SERPINB6: variants seen among roughly 807,000 people sequenced by gnomAD.
SERPINB6 encodes serpin family B member 6, also known as serpin B6.
A neutral mutation model predicts 26.1 loss-of-function variants in SERPINB6; 16 were observed. The ratio of observed to expected loss-of-function variants is 0.61; its 90% CI spans 0.42 to 0.93. SERPINB6 has a LOEUF of 0.93. Ranked by LOEUF, SERPINB6 falls within the 40% of genes least tolerant of loss-of-function variation. The pLI is 0.00. For synonymous variants in SERPINB6, 174 were observed against 176.6 expected, an observed-to-expected ratio of 0.99 and a Z score of 0.11; for missense variants, 420 against 478.0, an observed-to-expected ratio of 0.88 and a Z score of 1.13.
rs557797797 is a variant in SERPINB6 at position 2,964,533 on chromosome 6, C to T, written c.-10-5191G>A. ...AATACTATACACCAAATGTTTCTAA[C>T]GGTAATTTTTATGTTTTTTGTGTTT... is the stretch of plus-strand genomic sequence containing the variant. On this transcript the variant is annotated intron_variant, in intron 1 of 6. Coordinates refer to ENST00000380539, the MANE Select transcript of SERPINB6 (RefSeq NM_004568.6). 3.0e-4 allele frequency among the ~76,000 whole-genome samples: 45 copies of T among 152,136 alleles called. No homozygotes were observed. In the South Asian group the frequency reaches 5.2e-3, roughly 18 times the overall value.
chr6:2,968,712 T>C, intron 1 of SERPINB6: 1 of 1,231,346 alleles, frequency 8.1e-7, no homozygotes. Flanking sequence ...CAAACATTCC[T>C]AACAACCCTT....
intron 1 of SERPINB6, chr6:2,968,126 A>C (rs1408030828): frequency 1.3e-5 from 2 of 152,276 alleles, no homozygotes; most frequent in Non-Finnish European, 2.9e-5. Flanking sequence ...ACCATAAAAA[A>C]GAATGAGATC....
chr6:2,970,177 G>A (rs955729895), intron 1 of SERPINB6: 3 of 985,048 alleles, frequency 3.0e-6, no homozygotes, highest in Non-Finnish European at 3.6e-6. Context: ...CTGCTTGGGT[G>A]CCCTTATTAT....
At chr6:2,957,766 G>A (rs1417947708) in intron 2 of SERPINB6, 1 of 152,550 alleles carries the variant, frequency 6.6e-6, no homozygotes, top group African/African-American at 2.4e-5. Context: ...GGTAGGCTGG[G>A]AGCGCAGCAA....
intron 1 of SERPINB6, chr6:2,959,719 G>T: frequency 6.9e-6 from 2 of 288,830 alleles, no homozygotes; most frequent in Non-Finnish European, 6.7e-6. Context: ...GGGCTTAAAT[G>T]TACTGTTTTA....
chr6:2,951,548 C>T (rs1469934434), intron 5 of SERPINB6, among the ~76,000 whole-genome samples: 1 of 152,126 alleles, frequency 6.6e-6, no homozygotes, highest in African/African-American at 2.4e-5. Flanking sequence ...AGCCTCCAAT[C>T]TTGCAATATA....
At chr6:2,949,230 C>A (rs1457232340) in intron 5 of SERPINB6, among the ~76,000 whole-genome samples, 161 bp from the exon 6 acceptor site, 4 of 152,224 alleles carry the variant, frequency 2.6e-5, no homozygotes, top group Admixed American at 6.5e-5. Flanking sequence ...TTCATTACCT[C>A]AACCTCCAGA....
rs70995402 is a variant in SERPINB6, at chr6:2,970,724, C to CAAA, written c.-11+806_-11+808dup. 0.041 allele frequency: 42,855 copies of CAAA among 1,035,016 alleles called. 301 individuals are homozygous for CAAA. Among genetic ancestry groups the CAAA allele is most frequent in the East Asian group, 0.066 (1,670 of 25,294 alleles). The allele number at this position is 1,035,016 out of a possible 1,614,324, so 64.1% of individuals were successfully genotyped here. On this transcript the variant is annotated intron_variant, in intron 1 of 6. Coordinates refer to ENST00000380539, the MANE Select transcript of SERPINB6 (RefSeq NM_004568.6). ...AGTTTTCCGAAGCCAATCTTTAGGA[C>CAAA]AAAAAAAAAAAAAAAAAAAAGGAAG...
At chr6:2,951,243 G>A (rs780661044) in intron 5 of SERPINB6, among the ~76,000 whole-genome samples, 4 of 151,900 alleles carry the variant, frequency 2.6e-5, no homozygotes, top group Non-Finnish European at 5.9e-5. Context: ...AAAATTAGCC[G>A]GGCATAGTGG....
chr6:2,949,372 T>C (rs975428724), intron 5 of SERPINB6, among the ~76,000 whole-genome samples: 3 of 152,238 alleles, frequency 2.0e-5, no homozygotes, highest in East Asian at 1.9e-4. Context: ...TTGGGCCTCC[T>C]GCATTTTACT....
At chr6:2,959,861 A>G in intron 1 of SERPINB6, 1 of 196,934 alleles carries the variant, frequency 5.1e-6, no homozygotes, top group East Asian at 1.4e-4. Context: ...ATCAAGCCAC[A>G]TACAAAGATG....
intron 1 of SERPINB6, chr6:2,970,057 C>CAAA (rs754952384): frequency 7.9e-5 from 64 of 808,630 alleles, no homozygotes; most frequent in East Asian, 1.8e-4. Context: ...TCCAGCCTGG[C>CAAA]AAAAAAAAAA....
Position 2,955,602 on chromosome 6 carries a change from T to C in SERPINB6, c.234A>G (p.Glu78=). The C allele has an allele frequency of 6.2e-7, 1 of 1,614,240 alleles. No homozygotes were observed. The highest frequency in any genetic ancestry group is 8.5e-7 in the Non-Finnish European group (1 of 1,180,026). The change falls in exon 3 of 7, where the codon GAA becomes GAG. Residue 78 remains glutamate (E), a synonymous_variant. Coordinates refer to ENST00000380539, the MANE Select transcript of SERPINB6 (RefSeq NM_004568.6). ...IHQGFQSLLT[E]VNKTGTQYLL... ...AGTACTGCGTGCCAGTCTTGTTCAC[T>C]TCGGTGAGAAGAGACTGGAAGCCCT...
rs537275585 is a variant in SERPINB6 at position 2,954,485 on chromosome 6, A to G, written c.430+107T>C. Reference sequence around the variant, plus strand: ...AGATTTTTTAAGTTTGCAGTTATTCAGAGAAAAAAAAATCATTCCTGTTTA... The same window carrying G: ...AGATTTTTTAAGTTTGCAGTTATTCGGAGAAAAAAAAATCATTCCTGTTTA... On this transcript the variant is annotated intron_variant, in intron 4 of 6. Coordinates refer to ENST00000380539, the MANE Select transcript of SERPINB6 (RefSeq NM_004568.6). 1.5e-5 allele frequency: 14 copies of G among 948,170 alleles called. No individual in the cohort carries two copies. In the African/African-American group the frequency reaches 2.1e-4, roughly 14 times the overall value. 58.7% of individuals were successfully genotyped at this position (948,170 alleles called of 1,614,324 possible).
At chr6:2,949,669 A>G (rs1442285841) in intron 5 of SERPINB6, among the ~76,000 whole-genome samples, 1 of 152,204 alleles carries the variant, frequency 6.6e-6, no homozygotes, top group African/African-American at 2.4e-5. Context: ...GCCCTGGAAT[A>G]TTGTGATAAT....
rs116450625 is a variant in SERPINB6, at chr6:2,958,801, C to T, written c.165+367G>A. Among the ~76,000 whole-genome samples, 173 of 152,150 alleles carry T rather than the reference C, an allele frequency of 1.1e-3. 2 individuals carry two copies. The highest frequency in any genetic ancestry group is 4.0e-3 in the African/African-American group (168 of 41,536). ...AATGCCATTCTAAGAAGGCTTTACG[C>T]GTAAATGAGAAAATAAAGACTCCTA... On this transcript the variant is annotated intron_variant, in intron 2 of 6. Coordinates refer to ENST00000380539, the MANE Select transcript of SERPINB6 (RefSeq NM_004568.6).
chr6:2,970,460 T>TA, intron 1 of SERPINB6: 1 of 1,096,970 alleles, frequency 9.1e-7, no homozygotes, highest in Non-Finnish European at 1.1e-6. Flanking sequence ...CCAGCACACA[T>TA]AAAAGCCCCA....
At chr6:2,952,819 G>C (rs887147455) in intron 5 of SERPINB6, among the ~76,000 whole-genome samples, 2 of 152,244 alleles carry the variant, frequency 1.3e-5, no homozygotes, top group African/African-American at 4.8e-5. Flanking sequence ...GCCATATCTG[G>C]AGTCTGAGCT....
chr6:2,963,208 TA>T (rs1335781200), intron 1 of SERPINB6, among the ~76,000 whole-genome samples: 1 of 152,128 alleles, frequency 6.6e-6, no homozygotes, highest in Non-Finnish European at 1.5e-5. Context: ...TTAACAAATT[TA>T]CCCCCAAAAA....
Sources: gnomAD v4.1 joint callset for allele counts (sites outside exome capture counted in the v4.1 genomes callset) on GRCh38, gnomAD v4.1.1 for gene constraint, MANE v1.5 for transcripts, NCBI Gene and HGNC (gene_info 2026-07-23, HGNC 2026-07-21) for gene names.